The following GIT2 variants were observed in gnomAD, a reference collection of about 807,000 sequenced individuals.
GIT2 encodes the protein GIT ArfGAP 2.
GIT2 carries 32 observed loss-of-function variants against 100.3 expected under a neutral mutation model. The observed-to-expected ratio is 0.32, with a 90% CI of 0.24 to 0.43. The LOEUF is 0.43. Among genes scored for constraint, GIT2 ranks in the 20% least tolerant of loss-of-function variants. GIT2 has a pLI of 1.00. For missense variants in GIT2, 737 were observed against 975.1 expected, an observed-to-expected ratio of 0.76 and a Z score of 3.25; for synonymous variants, 353 against 364.1, an observed-to-expected ratio of 0.97 and a Z score of 0.35.
intron 18 of GIT2, among the ~76,000 whole-genome samples, chr12:109,936,526 C>T (rs879679286): frequency 1.3e-5 from 2 of 152,124 alleles, no homozygotes; most frequent in Non-Finnish European, 2.9e-5. Context: ...AATGGGGTCA[C>T]GGTGCTCGGG....
chr12:109,947,704 G>C lies in GIT2; in HGVS notation c.1393-200C>G. The C allele has an allele frequency of 1.8e-6, 1 of 554,852 alleles. No homozygotes were observed. The highest frequency in any genetic ancestry group is 3.2e-6 in the Non-Finnish European group (1 of 313,446). 34.4% of individuals were successfully genotyped at this position (554,852 alleles called of 1,614,324 possible). On this transcript the variant is annotated intron_variant, in intron 14 of 19. Coordinates refer to ENST00000355312, the MANE Select transcript of GIT2 (RefSeq NM_057169.5). This position sits in a 1 kb window ranked among gnomAD's most constrained non-coding sequence, Gnocchi z 4.3. ...ACAATCAACTCCCTTCATCACGTAAGCAAATTAAATAGCTTCATTTCTGAA... is the reference window on the plus strand; with the variant it reads ...ACAATCAACTCCCTTCATCACGTAACCAAATTAAATAGCTTCATTTCTGAA...
At chr12:109,952,445 C>T (rs1384050523) in intron 13 of GIT2, 6 of 515,656 alleles carry the variant, frequency 1.2e-5, no homozygotes, top group Non-Finnish European at 1.9e-5. Context: ...GAAGAGTCCT[C>T]CCCAGACATG....
rs1468123120 is a variant in GIT2, at chr12:109,934,851, G to A, written c.2004-766C>T. ...AGCACTTTGGGAGGCCAAAGCGGGC[G>A]GATCACCTGAGGTCAGGAGTTTGAG... is the stretch of plus-strand genomic sequence containing the variant. On this transcript the variant is annotated intron_variant, in intron 18 of 19. Transcript: ENST00000355312. The surrounding 1 kb of genome is among the most constrained non-coding windows in gnomAD (Gnocchi z 4.5). Among the ~76,000 whole-genome samples the A allele has an allele frequency of 1.3e-5, 2 of 152,190 alleles. No individual in the cohort carries two copies. The highest frequency in any genetic ancestry group is 2.9e-5 in the Non-Finnish European group (2 of 68,036).
chr12:109,959,315 G>A (rs906515187), intron 12 of GIT2, among the ~76,000 whole-genome samples: 1 of 152,002 alleles, frequency 6.6e-6, no homozygotes, highest in African/African-American at 2.4e-5. Flanking sequence ...TGATCCACCT[G>A]CCTCGGCCTC....
rs1188243214 is a variant in GIT2 at position 109,931,953 on chromosome 12, C to T, written c.*1025G>A. ...TAACTCAGATGACTGCGATACGATA[C>T]ATCTTTCCTTATAAGAAGTCCTTAA... On this transcript the variant is annotated 3_prime_UTR_variant, in exon 20 of 20. Coordinates refer to ENST00000355312, the MANE Select transcript of GIT2 (RefSeq NM_057169.5). 6.6e-6 allele frequency: 1 copy of T among 152,218 alleles called. No homozygotes were observed. The highest frequency in any genetic ancestry group is 1.5e-5 in the Non-Finnish European group (1 of 68,042). The allele number at this position is 152,218 out of a possible 1,614,324, so 9.4% of individuals were successfully genotyped here. A position where few individuals can be genotyped will look rare whatever the true frequency, so the allele number is the denominator to read the frequency against.
At chr12:109,994,810 G>A (rs909701883) in intron 1 of GIT2, among the ~76,000 whole-genome samples, 4 of 152,152 alleles carry the variant, frequency 2.6e-5, no homozygotes, top group Non-Finnish European at 4.4e-5. Flanking sequence ...AAATAGGCAA[G>A]AAAATAAGGA....
chr12:109,945,416 G>A lies in GIT2; in HGVS notation c.1642-67C>T, dbSNP rs1024408197. On this transcript the variant is annotated intron_variant, in intron 15 of 19. Transcript: ENST00000355312. ...AAACCAAAAACCTACCACCTTGCCA[G>A]CTTCAGTAAAAGAATCCTGGAACAC... The A allele has an allele frequency of 6.3e-6, 5 of 790,722 alleles. No homozygotes were observed. In the Admixed American group the frequency reaches 9.9e-5, roughly 16 times the overall value. 49.0% of individuals were successfully genotyped at this position (790,722 alleles called of 1,614,324 possible). A position where few individuals can be genotyped will look rare whatever the true frequency, so the allele number is the denominator to read the frequency against.
rs972806450 is a variant in GIT2, at chr12:109,948,551, A to G, written c.1393-1047T>C. On this transcript the variant is annotated intron_variant, in intron 14 of 19. Transcript: ENST00000355312. This position sits in a 1 kb window ranked among gnomAD's most constrained non-coding sequence, Gnocchi z 4.3. ...ACCATTCACCACGTCCATTCTGCGC[A>G]GGGTCCTTCCCTTCTGGTGCGCCTT... The G allele has an allele frequency of 8.1e-6, 11 of 1,357,358 alleles. No homozygotes were observed. In the East Asian group the frequency reaches 8.6e-5, roughly 11 times the overall value. The allele number at this position is 1,357,358 out of a possible 1,614,324, so 84.1% of individuals were successfully genotyped here.
chr12:109,951,268 T>C lies in GIT2; in HGVS notation c.1291A>G (p.Met431Val), dbSNP rs752751962. The C allele has an allele frequency of 6.8e-6, 11 of 1,611,750 alleles. No individual in the cohort carries two copies. In the South Asian group the frequency reaches 7.7e-5, roughly 11 times the overall value. Residue 431 changes from methionine (M) to valine (V), a missense_variant, in exon 14 of 20, where the codon ATG becomes GTG. Coordinates refer to ENST00000355312, the MANE Select transcript of GIT2 (RefSeq NM_057169.5). Reference protein sequence around the residue: ...SDGPVTVQEFMEVKNALVASE... With the variant: ...SDGPVTVQEFVEVKNALVASE... Reference sequence around the variant, plus strand: ...GCCACTAGAGCGTTTTTGACCTCCATAAATTCCTGTACAGTGACTGGTCCA... The same window carrying C: ...GCCACTAGAGCGTTTTTGACCTCCACAAATTCCTGTACAGTGACTGGTCCA...
intron 18 of GIT2, among the ~76,000 whole-genome samples, chr12:109,936,713 C>A (rs1189592937): frequency 2.0e-5 from 3 of 151,882 alleles, no homozygotes; most frequent in Non-Finnish European, 2.9e-5. Context: ...ACTAAAAATA[C>A]AAAAAAATTA....
In GIT2 at chr12:109,933,410, T is replaced by C. The variant is rs1201839031; in HGVS notation, c.2068-220A>G. 1.5e-5 allele frequency: 7 copies of C among 479,380 alleles called. No homozygotes were observed. The highest frequency in any genetic ancestry group is 2.6e-5 in the Non-Finnish European group (7 of 270,262). 29.7% of individuals were successfully genotyped at this position (479,380 alleles called of 1,614,324 possible). A position where few individuals can be genotyped will look rare whatever the true frequency, so the allele number is the denominator to read the frequency against. The stretch of plus-strand genomic sequence containing the variant: ...TTCAAAGGTCAAAGTGCATGCAGGG[T>C]AATTTTAGTAGTATGTGGTATTTTG... On this transcript the variant is annotated intron_variant, in intron 19 of 19. Transcript: ENST00000355312. This position sits in a 1 kb window ranked among gnomAD's most constrained non-coding sequence, Gnocchi z 4.5.
intron 7 of GIT2, among the ~76,000 whole-genome samples, chr12:109,973,478 T>C (rs1256435270): frequency 1.3e-5 from 2 of 152,102 alleles, no homozygotes; most frequent in African/African-American, 2.4e-5. Context: ...TCCATGTCTG[T>C]GGGGTTTATA....
At chr12:109,980,395 TTTTA>T (rs1197737077) in intron 7 of GIT2, among the ~76,000 whole-genome samples, 1 of 151,874 alleles carries the variant, frequency 6.6e-6, no homozygotes. Flanking sequence ...ATTTATTTAT[TTTTA>T]TTTATTTATT....
intron 9 of GIT2, 29 bp downstream of exon 9, chr12:109,965,497 A>C: frequency 3.6e-6 from 5 of 1,385,424 alleles, no homozygotes; most frequent in Non-Finnish European, 4.1e-6. Context: ...TTCTCATACT[A>C]GAGAAAACCA....
chr12:109,975,131 G>C (rs1476846262), intron 7 of GIT2, among the ~76,000 whole-genome samples: 1 of 151,946 alleles, frequency 6.6e-6, no homozygotes, highest in Non-Finnish European at 1.5e-5. Context: ...TTATACTTTT[G>C]GTTTTTAACT....
chr12:109,937,285 C>G (rs1164760144), intron 18 of GIT2, among the ~76,000 whole-genome samples: 2 of 152,102 alleles, frequency 1.3e-5, no homozygotes, highest in Non-Finnish European at 2.9e-5. Flanking sequence ...AAAGGGAATA[C>G]AAAGGCCCAG....
At chr12:109,944,537 G>A (rs1389472023) in intron 16 of GIT2, among the ~76,000 whole-genome samples, 1 of 152,184 alleles carries the variant, frequency 6.6e-6, no homozygotes, top group Non-Finnish European at 1.5e-5. Context: ...TAAGTCCTTA[G>A]GACCCTTTCA....
intron 8 of GIT2, among the ~76,000 whole-genome samples, chr12:109,966,508 C>CA (rs749586402): frequency 0.56 from 39,040 of 70,168 alleles, 10,186 homozygotes; most frequent in South Asian, 0.65. Flanking sequence ...GACTCTGTCT[C>CA]AAAAAAAAAA....
chr12:109,990,026 C>T (rs1888095681), intron 2 of GIT2, among the ~76,000 whole-genome samples: 1 of 152,174 alleles, frequency 6.6e-6, no homozygotes, highest in Admixed American at 6.5e-5. Flanking sequence ...TGTGACTGAA[C>T]TGTTCTTATT....
Sources: gnomAD v4.1 joint callset for allele counts (sites outside exome capture counted in the v4.1 genomes callset) on GRCh38, gnomAD v4.1.1 for gene constraint, Gnocchi (gnomAD v3.1) non-coding constraint, MANE v1.5 for transcripts, NCBI Gene and HGNC (gene_info 2026-07-23, HGNC 2026-07-21) for gene names.